The following PIP5K1C variants were observed in gnomAD, a reference collection of about 807,000 sequenced individuals.
PIP5K1C encodes phosphatidylinositol-4-phosphate 5-kinase type 1 gamma.
Under a neutral mutation model 80.1 loss-of-function variants are expected in PIP5K1C, and 45 were observed. That is an observed-to-expected ratio of 0.56 (90% CI 0.44 to 0.72). PIP5K1C has a LOEUF of 0.72. Ranked by LOEUF, PIP5K1C falls within the 30% of genes least tolerant of loss-of-function variation. The pLI is 0.00. For missense variants in PIP5K1C, 753 were observed against 954.6 expected (o/e 0.79, Z 2.78); for synonymous variants, 498 against 420.1 (o/e 1.19, Z -2.27).
At chr19:3,697,337 T>C (rs966959618) in intron 1 of PIP5K1C, among the ~76,000 whole-genome samples, 5 of 142,572 alleles carry the variant, frequency 3.5e-5, no homozygotes, top group Admixed American at 1.4e-4. Flanking sequence ...AGGACCGAGC[T>C]GGACCGGGGA....
chr19:3,637,495 A>T lies in PIP5K1C; in HGVS notation c.1920+1389T>A, dbSNP rs957272263. 1.0e-5 allele frequency: 16 copies of T among 1,535,434 alleles called. No homozygotes were observed. The highest frequency in any genetic ancestry group is 1.3e-5 in the Non-Finnish European group (15 of 1,146,774). On this transcript the variant is annotated intron_variant, in intron 16 of 17. Transcript: ENST00000335312. This position sits in a 1 kb window ranked among gnomAD's most constrained non-coding sequence, Gnocchi z 7.0. ...TGCGGCTCCCTGCTGCCCGAGGGGC[A>T]CTGCCCCTTCTCCCCAGGGTGGCCG...
At chr19:3,697,523 C>T (rs572859948) in intron 1 of PIP5K1C, among the ~76,000 whole-genome samples, 3 of 149,692 alleles carry the variant, frequency 2.0e-5, no homozygotes, top group Non-Finnish European at 3.0e-5. Context: ...AAGCTGGACC[C>T]GGGAGGACCA....
At chr19:3,667,638 G>A (rs1248008147) in intron 1 of PIP5K1C, among the ~76,000 whole-genome samples, 3 of 152,204 alleles carry the variant, frequency 2.0e-5, no homozygotes, top group Middle Eastern at 3.2e-3. Flanking sequence ...AGCTGGTGAC[G>A]CCTAGGCTTG....
At chr19:3,654,294 G>A (rs1367461321) in intron 6 of PIP5K1C, among the ~76,000 whole-genome samples, 1 of 152,196 alleles carries the variant, frequency 6.6e-6, no homozygotes, top group Non-Finnish European at 1.5e-5. Context: ...GGTGACTCAG[G>A]GGCACCCAAG....
chr19:3,656,256 C>A, intron 6 of PIP5K1C, 149 bp downstream of exon 6: 1 of 807,226 alleles, frequency 1.2e-6, no homozygotes, highest in South Asian at 1.5e-5. Flanking sequence ...TGACGGGGGA[C>A]CCCCGAGGGT....
rs371709680 is a variant in PIP5K1C, at chr19:3,664,770, T to G, written c.219+52A>C. 201 of 1,408,418 alleles carry G rather than the reference T, an allele frequency of 1.4e-4. 3 individuals carry two copies. The African/African-American group carries it at 2.5e-3, about 18-fold the overall frequency. The allele number at this position is 1,408,418 out of a possible 1,614,324, so 87.2% of individuals were successfully genotyped here. ...ATCCATGCTACCAGTGGGATCCCCC[T>G]CCCCTCTGCTCTGTCCCGCTCCCTC... On this transcript the variant is annotated intron_variant, in intron 3 of 17. Transcript: ENST00000335312.
chr19:3,665,871 G>A (rs1018817439), intron 2 of PIP5K1C, among the ~76,000 whole-genome samples: 5 of 152,210 alleles, frequency 3.3e-5, no homozygotes, highest in Admixed American at 3.3e-4. Flanking sequence ...GCGCCACTGC[G>A]TTTGCTAGGA....
chr19:3,699,261 A>G (rs1221413962), intron 1 of PIP5K1C, among the ~76,000 whole-genome samples: 1 of 146,302 alleles, frequency 6.8e-6, no homozygotes, highest in African/African-American at 2.5e-5. Context: ...GCTCTGGGGA[A>G]GGAACCGGGT....
intron 3 of PIP5K1C, 80 bp downstream of exon 3, chr19:3,664,742 C>T (rs886257603): frequency 5.9e-6 from 7 of 1,192,198 alleles, no homozygotes; most frequent in Middle Eastern, 4.4e-4. Flanking sequence ...GGCGATAGGC[C>T]CCATCCATGC....
At chr19:3,664,331 A>G (rs2034935544) in intron 3 of PIP5K1C, among the ~76,000 whole-genome samples, 1 of 152,210 alleles carries the variant, frequency 6.6e-6, no homozygotes, top group South Asian at 2.1e-4. Context: ...CATTTACTGC[A>G]CACTTTAAAG....
At chr19:3,667,440 C>T (rs1223713990) in intron 1 of PIP5K1C, 87 bp from the exon 2 acceptor site, 2 of 1,497,356 alleles carry the variant, frequency 1.3e-6, no homozygotes, top group African/African-American at 2.8e-5. Flanking sequence ...CTTCTGGCGC[C>T]CCAGGCCTGG....
At chr19:3,699,671 G>A (rs60878153) in intron 1 of PIP5K1C, among the ~76,000 whole-genome samples, 3,690 of 152,294 alleles carry the variant, frequency 0.024, 131 homozygotes, top group African/African-American at 0.079. Flanking sequence ...CCCGGCTGGA[G>A]GTCCAGGAAG....
intron 13 of PIP5K1C, 32 bp from the exon 14 acceptor site, chr19:3,642,971 GA>G: frequency 6.2e-7 from 1 of 1,612,476 alleles, no homozygotes; most frequent in Non-Finnish European, 8.5e-7. Context: ...GTGACACCCA[GA>G]AAGAGAGTGG....
intron 1 of PIP5K1C, among the ~76,000 whole-genome samples, chr19:3,671,481 G>A (rs2035202886): frequency 6.6e-6 from 1 of 152,256 alleles, no homozygotes; most frequent in African/African-American, 2.4e-5. Flanking sequence ...AACGGGGAGA[G>A]GAGAGGAGAG....
At chr19:3,657,440 C>T (rs1450230893) in intron 5 of PIP5K1C, among the ~76,000 whole-genome samples, 1 of 152,194 alleles carries the variant, frequency 6.6e-6, no homozygotes, top group Non-Finnish European at 1.5e-5. Flanking sequence ...AACTGGTCGC[C>T]ATTGGTGTAC....
intron 7 of PIP5K1C, among the ~76,000 whole-genome samples, chr19:3,652,966 A>C (rs1156625622): frequency 1.3e-5 from 2 of 152,136 alleles, no homozygotes; most frequent in Non-Finnish European, 2.9e-5. Context: ...GTCTGGGGAC[A>C]TGTTATAAGT....
intron 11 of PIP5K1C, among the ~76,000 whole-genome samples, chr19:3,645,060 T>C (rs1189400491): frequency 1.3e-5 from 2 of 152,194 alleles, no homozygotes; most frequent in Non-Finnish European, 1.5e-5. Context: ...GTCTGCCAAT[T>C]CCCACGGTGT....
intron 16 of PIP5K1C, among the ~76,000 whole-genome samples, chr19:3,634,670 G>A (rs1568305423): frequency 1.3e-5 from 2 of 152,224 alleles, no homozygotes; most frequent in Non-Finnish European, 2.9e-5. Context: ...CCCAGCCTGG[G>A]CCAGCAGGGG....
chr19:3,656,290 T>G, intron 6 of PIP5K1C, 115 bp downstream of exon 6: 1 of 1,211,204 alleles, frequency 8.3e-7, no homozygotes, highest in South Asian at 1.3e-5. Flanking sequence ...CCAAGATGCC[T>G]CTCACCACGC....
Sources: allele counts gnomAD v4.1 joint callset (sites outside exome capture counted in the v4.1 genomes callset), GRCh38; gene constraint gnomAD v4.1.1; non-coding constraint Gnocchi (gnomAD v3.1); transcripts MANE v1.5; gene names NCBI Gene and HGNC (gene_info 2026-07-23, HGNC 2026-07-21).